The following STAG1 variants were observed in gnomAD, a reference collection of about 807,000 sequenced individuals.
STAG1 encodes cohesin subunit SA-1.
A neutral mutation model predicts 170.9 loss-of-function variants in STAG1; 26 were observed. The ratio of observed to expected loss-of-function variants is 0.15; its 90% CI spans 0.11 to 0.21. The LOEUF is 0.21. STAG1 is among the 10% of genes least tolerant of loss of function. The pLI is 1.00. For synonymous variants in STAG1, 514 were observed against 497.7 expected (o/e 1.03, Z -0.44); for missense variants, 964 against 1,509.5 (o/e 0.64, Z 5.99).
intron 9 of STAG1, among the ~76,000 whole-genome samples, chr3:136,486,038 C>T (rs2090004501): frequency 6.6e-6 from 1 of 152,176 alleles, no homozygotes. Flanking sequence ...TAAAATACTG[C>T]ATCGGGACCC....
rs1935305380 is a variant in STAG1, at chr3:136,752,302, G to C, written c.-191C>G. ...GGTTGTTACGGGGTGGTCGCCGGGG[G>C]TTCGGGAGCGGGGGCCGCGCCTTCA... On this transcript the variant is annotated 5_prime_UTR_variant, in exon 1 of 34. Coordinates refer to ENST00000383202, the MANE Select transcript of STAG1 (RefSeq NM_005862.3). 1 of 152,750 alleles carries C rather than the reference G, an allele frequency of 6.5e-6. No individual in the cohort carries two copies. The highest frequency in any genetic ancestry group is 2.1e-4 in the South Asian group (1 of 4,840). The allele number at this position is 152,750 out of a possible 1,614,324, so 9.5% of individuals were successfully genotyped here. A position where few individuals can be genotyped will look rare whatever the true frequency, so the allele number is the denominator to read the frequency against.
intron 7 of STAG1, among the ~76,000 whole-genome samples, chr3:136,509,289 G>T (rs1170298469): frequency 1.3e-5 from 2 of 151,936 alleles, no homozygotes; most frequent in Non-Finnish European, 2.9e-5. Flanking sequence ...AGGAAATGTA[G>T]CTTTGAGGAG....
intron 6 of STAG1, among the ~76,000 whole-genome samples, chr3:136,540,096 A>G (rs1489181360): frequency 6.6e-6 from 1 of 152,214 alleles, no homozygotes; most frequent in Admixed American, 6.5e-5. Flanking sequence ...ACCAAATGAC[A>G]TATATAGTCT....
intron 4 of STAG1, among the ~76,000 whole-genome samples, chr3:136,579,182 G>C (rs1181614026): frequency 6.6e-6 from 1 of 152,190 alleles, no homozygotes; most frequent in Non-Finnish European, 1.5e-5. Context: ...AACTTGATAT[G>C]CAGCTACTGA....
chr3:136,370,628 G>T (rs1441047544), intron 23 of STAG1, among the ~76,000 whole-genome samples: 1 of 152,126 alleles, frequency 6.6e-6, no homozygotes, highest in African/African-American at 2.4e-5. Context: ...TTTTGTCCTT[G>T]TGATAGTTTG....
intron 16 of STAG1, among the ~76,000 whole-genome samples, chr3:136,432,937 G>A (rs886316684): frequency 6.6e-6 from 1 of 151,918 alleles, no homozygotes; most frequent in Admixed American, 6.6e-5. Flanking sequence ...TTTACCTGAA[G>A]CTCTATCAAT....
At chr3:136,677,350 A>C (rs1177129637) in intron 1 of STAG1, among the ~76,000 whole-genome samples, 1 of 152,138 alleles carries the variant, frequency 6.6e-6, no homozygotes, top group Non-Finnish European at 1.5e-5. Context: ...GGCCATAGGA[A>C]TTTTTCAGCT....
chr3:136,512,114 A>AT (rs1280641691), intron 7 of STAG1, among the ~76,000 whole-genome samples: 4 of 150,704 alleles, frequency 2.7e-5, no homozygotes, highest in African/African-American at 9.7e-5. Flanking sequence ...AAAAAAAAAA[A>AT]AAAAAAGGAA....
At chr3:136,472,788 A>G (rs1015393153) in intron 11 of STAG1, among the ~76,000 whole-genome samples, 4 of 152,222 alleles carry the variant, frequency 2.6e-5, no homozygotes, top group African/African-American at 9.6e-5. Flanking sequence ...TAAGCAGGTA[A>G]GCCTTCTTCC....
At chr3:136,634,970 A>G (rs969746288) in intron 1 of STAG1, among the ~76,000 whole-genome samples, 1 of 152,218 alleles carries the variant, frequency 6.6e-6, no homozygotes, top group Non-Finnish European at 1.5e-5. Flanking sequence ...GAAAAGAACT[A>G]TAACGAGACA....
At chr3:136,727,529 C>T (rs377409023) in intron 1 of STAG1, among the ~76,000 whole-genome samples, 6 of 152,296 alleles carry the variant, frequency 3.9e-5, no homozygotes, top group African/African-American at 1.4e-4. Flanking sequence ...ATAACAGATA[C>T]TTGAGAAATG....
At chr3:136,468,597 A>G (rs1193758212) in intron 12 of STAG1, among the ~76,000 whole-genome samples, 1 of 152,242 alleles carries the variant, frequency 6.6e-6, no homozygotes, top group African/African-American at 2.4e-5. Flanking sequence ...AGCTGGTACC[A>G]TTCCTTCTGA....
Position 136,684,810 on chromosome 3 carries a change from T to A in STAG1, c.-83-53829A>T, listed in dbSNP as rs1942456931. 2.8e-5 allele frequency among the ~76,000 whole-genome samples: 4 copies of A among 143,688 alleles called. No individual in the cohort carries two copies. In the South Asian group the frequency reaches 6.6e-4, roughly 24 times the overall value. 94.3% of individuals were successfully genotyped at this position (143,688 alleles called of 152,430 possible). A position where few individuals can be genotyped will look rare whatever the true frequency, so the allele number is the denominator to read the frequency against. Reference sequence around the variant, plus strand: ...AAAAAAAAAAAAAGTGCTAGAACAATTTGACATCCACAAGCAAAAAACATC... The same window carrying A: ...AAAAAAAAAAAAAGTGCTAGAACAAATTGACATCCACAAGCAAAAAACATC... On this transcript the variant is annotated intron_variant, in intron 1 of 33. Transcript: ENST00000383202.
chr3:136,435,779 C>T (rs1405032711), intron 15 of STAG1, among the ~76,000 whole-genome samples: 1 of 152,078 alleles, frequency 6.6e-6, no homozygotes, highest in Non-Finnish European at 1.5e-5. Context: ...CAGTGATTCT[C>T]CTGCCTCAGC....
intron 1 of STAG1, among the ~76,000 whole-genome samples, chr3:136,675,937 T>C (rs963762942): frequency 1.8e-4 from 28 of 152,330 alleles, no homozygotes; most frequent in African/African-American, 5.8e-4. Context: ...TGTGCAAACA[T>C]TGTAGAATGT....
At chr3:136,562,644 A>C (rs770515185) in intron 5 of STAG1, among the ~76,000 whole-genome samples, 40 of 151,718 alleles carry the variant, frequency 2.6e-4, no homozygotes, top group Non-Finnish European at 4.0e-4. Flanking sequence ...CAGGAGTGCA[A>C]TGGTGTGATC....
At chr3:136,551,208 T>TGAGAGAGAGAGA (rs57609965) in intron 5 of STAG1, among the ~76,000 whole-genome samples, 41 of 44,468 alleles carry the variant, frequency 9.2e-4, no homozygotes, top group Admixed American at 1.8e-3. Flanking sequence ...TGAGAGAGAG[T>TGAGAGAGAGAGA]GAGAGAGAGA....
rs113985550 is a variant in STAG1 at position 136,653,625 on chromosome 3, GT to G, written c.-83-22645del. On this transcript the variant is annotated intron_variant, in intron 1 of 33. Coordinates refer to ENST00000383202, the MANE Select transcript of STAG1 (RefSeq NM_005862.3). ...ACCCCATTTTACAAATTATAAAAAT[GT>G]GGCATTGAGTGGTTGGCCCACAGTA... Among the ~76,000 whole-genome samples the G allele has an allele frequency of 1.8e-4, 28 of 152,272 alleles. 1 individual carries two copies. The highest frequency in any genetic ancestry group is 6.5e-4 in the African/African-American group (27 of 41,552).
chr3:136,453,291 A>C (rs1173098816), intron 13 of STAG1, among the ~76,000 whole-genome samples: 1 of 152,164 alleles, frequency 6.6e-6, no homozygotes, highest in African/African-American at 2.4e-5. Context: ...TTCTAACAAA[A>C]CTTAAAAACT....
Sources: allele counts gnomAD v4.1 joint callset (sites outside exome capture counted in the v4.1 genomes callset), GRCh38; gene constraint gnomAD v4.1.1; transcripts MANE v1.5; gene names NCBI Gene and HGNC (gene_info 2026-07-23, HGNC 2026-07-21).